Variants in TET3 observed in about 807,000 individuals in gnomAD.
TET3 encodes the protein tet methylcytosine dioxygenase 3.
In TET3, 19 loss-of-function variants were observed where a neutral mutation model predicts 141.4. The ratio of observed to expected loss-of-function variants is 0.13; its 90% CI spans 0.09 to 0.20. TET3 has a LOEUF of 0.20. Among genes scored for constraint, TET3 ranks in the 10% least tolerant of loss-of-function variants. The pLI, the probability that TET3 is intolerant of heterozygous loss-of-function variation, is 1.00. For synonymous variants in TET3, 1,043 were observed against 980.9 expected (o/e 1.06, Z -1.18); for missense variants, 1,874 against 2,356.9 (o/e 0.80, Z 4.24).
chr2:73,995,345 T>TAGACCTAGACCTAATCTC (rs1684540968), intron 2 of TET3, among the ~76,000 whole-genome samples: 1 of 152,238 alleles, frequency 6.6e-6, no homozygotes. Context: ...GACTTAATCT[T>TAGACCTAGACCTAATCTC]AGACCTAGAC....
At chr2:74,042,769 C>T (rs540050074) in intron 3 of TET3, among the ~76,000 whole-genome samples, 4 of 152,160 alleles carry the variant, frequency 2.6e-5, no homozygotes, top group South Asian at 2.1e-4. Flanking sequence ...CTGTTGGCCC[C>T]GTCTCCTGCT....
intron 3 of TET3, among the ~76,000 whole-genome samples, chr2:74,011,623 A>G (rs1008552872): frequency 2.0e-5 from 3 of 152,188 alleles, no homozygotes; most frequent in South Asian, 2.1e-4. Context: ...TTTCTTTTCT[A>G]CCTGGGCCTT....
Position 74,044,118 on chromosome 2 carries a change from T to G in TET3, c.361-2160T>G, listed in dbSNP as rs530076417. 3.9e-4 allele frequency among the ~76,000 whole-genome samples: 59 copies of G among 152,248 alleles called. No homozygotes were observed. In the South Asian group the frequency reaches 6.0e-3, roughly 16 times the overall value. On this transcript the variant is annotated intron_variant, in intron 3 of 11. Transcript: ENST00000409262. Reference sequence around the variant, plus strand: ...CCAGGAGTTCAAGGCTGCAGTGAACTGTGATCACACCACTGCAGGAGTTCA... The same window carrying G: ...CCAGGAGTTCAAGGCTGCAGTGAACGGTGATCACACCACTGCAGGAGTTCA...
intron 3 of TET3, among the ~76,000 whole-genome samples, chr2:74,032,137 C>T (rs1353476380): frequency 6.6e-6 from 1 of 152,156 alleles, no homozygotes; most frequent in African/African-American, 2.4e-5. Flanking sequence ...TAAACCTGGC[C>T]CCTTTGACAC....
intron 2 of TET3, among the ~76,000 whole-genome samples, chr2:73,992,029 G>A (rs1684353003): frequency 6.6e-6 from 1 of 152,108 alleles, no homozygotes; most frequent in Non-Finnish European, 1.5e-5. Flanking sequence ...CCCCTAAGAG[G>A]AGCATCAGGG....
intron 10 of TET3, among the ~76,000 whole-genome samples, chr2:74,097,807 C>A (rs1022729573): frequency 6.6e-6 from 1 of 152,028 alleles, no homozygotes; most frequent in South Asian, 2.1e-4. Flanking sequence ...AAGGAGATGG[C>A]GAGGGGGTGT....
chr2:73,988,908 T>C (rs1033167137), intron 2 of TET3, among the ~76,000 whole-genome samples: 1 of 145,218 alleles, frequency 6.9e-6, no homozygotes, highest in Non-Finnish European at 1.5e-5. Flanking sequence ...GTAATAGAAA[T>C]TAGACCTTTT....
chr2:74,076,665 A>G (rs920914944), intron 5 of TET3, among the ~76,000 whole-genome samples: 2 of 150,282 alleles, frequency 1.3e-5, no homozygotes, highest in East Asian at 1.9e-4. Context: ...TATCTTATAG[A>G]TATCTTCATA....
intron 2 of TET3, among the ~76,000 whole-genome samples, chr2:73,990,047 A>T (rs1215321727): frequency 6.6e-6 from 1 of 152,124 alleles, no homozygotes; most frequent in African/African-American, 2.4e-5. Flanking sequence ...ACATCTAGAA[A>T]ATGATGAATC....
At position 74,047,544 on chromosome 2, in the gene TET3, G is replaced by T; in HGVS notation, c.1627G>T (p.Val543Leu). Residue 543 changes from valine to leucine, a missense_variant, in exon 4 of 12, where the codon GTG (valine) becomes TTG (leucine). By Grantham distance (32) the Val-to-Leu change is conservative. Around this residue, in one of 10 missense-constraint regions of TET3, gnomAD observed 484 missense variants for 462.2 expected, o/e 1.05. Coordinates refer to ENST00000409262, the MANE Select transcript of TET3 (RefSeq NM_001287491.2). The stretch of plus-strand genomic sequence containing the variant: ...CAAGCGCAGCCTCTTCCTAGAACAG[G>T]TGCACGACACCTCCTTCCCTGCTCC... The part of the protein sequence containing the change: ...HHKRSLFLEQ[V>L]HDTSFPAPSE... The T allele has an allele frequency of 6.2e-7, 1 of 1,613,744 alleles. No homozygotes were observed. Among genetic ancestry groups the T allele is most frequent in the East Asian group, 2.2e-5 (1 of 44,884 alleles).
chr2:74,082,025 T>G (rs1573877592), intron 6 of TET3, among the ~76,000 whole-genome samples: 1 of 151,526 alleles, frequency 6.6e-6, no homozygotes, highest in African/African-American at 2.4e-5. Context: ...AGAAAAGACG[T>G]CAGCCGTAGA....
Position 73,986,186 on chromosome 2 carries a change from T to A in TET3, c.-218T>A. 1 of 383,166 alleles carries A rather than the reference T, an allele frequency of 2.6e-6. No individual in the cohort carries two copies. The highest frequency in any genetic ancestry group is 4.6e-6 in the Non-Finnish European group (1 of 218,850). The allele number at this position is 383,166 out of a possible 1,614,324, so 23.7% of individuals were successfully genotyped here. A position where few individuals can be genotyped will look rare whatever the true frequency, so the allele number is the denominator to read the frequency against. On this transcript the variant is annotated 5_prime_UTR_variant, in exon 2 of 12. Coordinates refer to ENST00000409262, the MANE Select transcript of TET3 (RefSeq NM_001287491.2). Reference sequence around the variant, plus strand: ...CCCCCAGATCCTGGGCCCCAGCAGGTGGGAGAGTGGCCCCCTACGGAGTCC... The same window carrying A: ...CCCCCAGATCCTGGGCCCCAGCAGGAGGGAGAGTGGCCCCCTACGGAGTCC...
chr2:73,984,306 G>A (rs1341516833), upstream of TET3, among the ~76,000 whole-genome samples: 1 of 152,262 alleles, frequency 6.6e-6, no homozygotes, highest in Non-Finnish European at 1.5e-5. This position sits in a 1 kb window ranked among gnomAD's most constrained non-coding sequence, Gnocchi z 5.6. Flanking sequence ...CACCTGGACA[G>A]GGCATTCGGC....
rs375034868 is a variant in TET3 at position 74,012,263 on chromosome 2, C to T, written c.360+9097C>T. Among the ~76,000 whole-genome samples, 32 of 152,340 alleles carry T rather than the reference C, an allele frequency of 2.1e-4. No homozygotes were observed. In the East Asian group the frequency reaches 2.9e-3, roughly 14 times the overall value. The stretch of plus-strand genomic sequence containing the variant: ...CACTTTGGGATGGCATGAGCCACCT[C>T]CTCAGGCCCCATTAGTCATTGTTAA... On this transcript the variant is annotated intron_variant, in intron 3 of 11. Transcript: ENST00000409262.
At chr2:74,057,620 G>A (rs1480090773) in intron 4 of TET3, among the ~76,000 whole-genome samples, 1 of 152,126 alleles carries the variant, frequency 6.6e-6, no homozygotes, top group African/African-American at 2.4e-5. Context: ...GGGGACATTT[G>A]GCAATATCTG....
intron 3 of TET3, among the ~76,000 whole-genome samples, chr2:74,008,705 T>C (rs1447304407): frequency 6.6e-6 from 1 of 151,314 alleles, no homozygotes; most frequent in African/African-American, 2.4e-5. Flanking sequence ...AGACAAAAAG[T>C]AAAAATGACT....
chr2:74,046,833 G>C lies in TET3; in HGVS notation c.916G>C (p.Gly306Arg), dbSNP rs753148460. Residue 306 changes from glycine (G) to arginine (R), a missense_variant, in exon 4 of 12, where the codon GGG (glycine) becomes CGG (arginine). By Grantham distance (125) the Gly-to-Arg change is moderately radical. This residue lies in a region of TET3 where 366 missense variants were observed against 487.0 expected (regional missense o/e 0.75). Transcript: ENST00000409262. The surrounding 1 kb of genome is among the most constrained non-coding windows in gnomAD (Gnocchi z 4.3). ...EGGEERPRLP[G>R]PLPPGEAGLP... ...AGGGGAGGAGCGGCCCAGGCTCCCA[G>C]GGCCTCTGCCTCCTGGTGAGGCCGG... The C allele has an allele frequency of 2.5e-6, 4 of 1,613,232 alleles. No individual in the cohort carries two copies. The South Asian group carries it at 4.4e-5, about 18-fold the overall frequency.
At chr2:74,080,734 C>T in intron 6 of TET3, 143 bp downstream of exon 6, 1 of 668,266 alleles carries the variant, frequency 1.5e-6, no homozygotes, top group Non-Finnish European at 2.6e-6. Flanking sequence ...TAGGAGACAA[C>T]ATGTTGACTG....
intron 2 of TET3, among the ~76,000 whole-genome samples, chr2:73,988,999 GTT>G (rs57748474): frequency 6.5e-5 from 7 of 107,744 alleles, no homozygotes; most frequent in Non-Finnish European, 1.1e-4. Flanking sequence ...AGTTTTTTTT[GTT>G]TTTTTTTTTT....
Sources: gnomAD v4.1 joint callset for allele counts (sites outside exome capture counted in the v4.1 genomes callset) on GRCh38, gnomAD v4.1.1 for gene constraint, gnomAD v4.1.1 regional missense constraint, Gnocchi (gnomAD v3.1) non-coding constraint, MANE v1.5 for transcripts, NCBI Gene and HGNC (gene_info 2026-07-23, HGNC 2026-07-21) for gene names.